WAS: variants seen among roughly 807,000 people sequenced by gnomAD.
WAS encodes WASP actin nucleation promoting factor.
Under a neutral mutation model 38.9 loss-of-function variants are expected in WAS, and 1 was observed. The ratio of observed to expected loss-of-function variants is 0.03; its 90% CI spans 0.01 to 0.12. The LOEUF (loss-of-function observed/expected upper bound fraction) is 0.12, where lower values mean the gene tolerates loss of function less well. Ranked by LOEUF, WAS falls within the 10% of genes least tolerant of loss-of-function variation. The pLI is 1.00. For synonymous variants in WAS, 182 were observed against 173.6 expected, an observed-to-expected ratio of 1.05 and a Z score of -0.38; for missense variants, 311 against 431.2, an observed-to-expected ratio of 0.72 and a Z score of 2.47.
chrX:48,683,884 G>T lies in WAS; in HGVS notation c.31G>T (p.Gly11Trp). Residue 11 changes from glycine to tryptophan, a missense_variant, in exon 1 of 12, where the codon GGG becomes TGG. Coordinates refer to ENST00000376701, the MANE Select transcript of WAS (RefSeq NM_000377.3). MSGGPMGGRP[G>W]GRGAPAVQQN... Reference sequence around the variant, plus strand: ...TGGGGGCCCAATGGGAGGAAGGCCCGGGGGCCGAGGAGCACCAGCGGTTCA... The same window carrying T: ...TGGGGGCCCAATGGGAGGAAGGCCCTGGGGCCGAGGAGCACCAGCGGTTCA... The T allele has an allele frequency of 8.3e-7, 1 of 1,211,366 alleles. No individual in the cohort carries two copies.
rs1557007444 is a variant in WAS at position 48,689,403 on chromosome X, G to T, written c.1422G>T (p.Met474Ile). The change falls in exon 11 of 12, where the codon ATG becomes ATT. Residue 474 changes from methionine to isoleucine, a missense_variant. Met to Ile is a conservative substitution (Grantham distance 10). Coordinates refer to ENST00000376701, the MANE Select transcript of WAS (RefSeq NM_000377.3). ...EGLVGALMHV[M>I]QKRSRAIHSS... ...TGGTGGGGGCCCTGATGCACGTGAT[G>T]CAGAAGAGAAGCAGAGCCATCCACT... 3 of 1,209,883 alleles carry T rather than the reference G, an allele frequency of 2.5e-6. No individual in the cohort carries two copies. In the Admixed American group the frequency reaches 6.5e-5, roughly 26 times the overall value.
At position 48,688,911 on chromosome X, in the gene WAS, C is replaced by G. The variant is rs2062430008; in HGVS notation, c.1183C>G (p.Pro395Ala). The G allele has an allele frequency of 8.7e-7, 1 of 1,149,078 alleles. No individual in the cohort carries two copies. Among genetic ancestry groups the G allele is most frequent in the Non-Finnish European group, 1.2e-6 (1 of 864,211 alleles). 94.7% of individuals were successfully genotyped at this position (1,149,078 alleles called of 1,213,427 possible). ...TGGAGCTGGTGGGCCACCCATGCCA[C>G]CACCACCGCCACCACCGCCACCGCC... ...PPGAGGPPMP[P>A]PPPPPPPPPS... is the part of the protein sequence containing the mutation. The change falls in exon 10 of 12, where the codon CCA (proline) becomes GCA (alanine). Residue 395 changes from proline (P) to alanine (A), a missense_variant. Pro to Ala is a conservative substitution (Grantham distance 27). Transcript: ENST00000376701.
In WAS at chrX:48,686,071, A is replaced by G. The variant is rs1557006652; in HGVS notation, c.506-10A>G. 5.8e-6 allele frequency: 7 copies of G among 1,210,096 alleles called. No homozygotes were observed. The highest frequency in any genetic ancestry group is 6.7e-6 in the Non-Finnish European group (6 of 894,998). ...GCTGTGATAACTCTCTACACATTCC[A>G]TCTTCCCAGAGAGAAGAGGAGGGCT... is the stretch of plus-strand genomic sequence containing the variant. On this transcript the variant is annotated splice_polypyrimidine_tract_variant and intron_variant, in intron 5 of 11. Transcript: ENST00000376701.
intron 6 of WAS, 120 bp from the exon 7 acceptor site, chrX:48,686,661 A>G (rs1557006769): frequency 5.8e-6 from 5 of 866,953 alleles, no homozygotes; most frequent in Non-Finnish European, 8.3e-6. Flanking sequence ...CCCTTCACCC[A>G]CTACCTCCAT....
At chrX:48,677,837 C>T (rs1557005399) in intron 1 of WAS, among the ~76,000 whole-genome samples, 1 of 111,933 alleles carries the variant, frequency 8.9e-6, no homozygotes, top group African/African-American at 3.2e-5. Flanking sequence ...GGGCAGTGAA[C>T]AGAGGAGAGG....
Position 48,685,960 on chromosome X carries a change from C to T in WAS, c.478C>T (p.Pro160Ser). The T allele has an allele frequency of 8.3e-7, 1 of 1,211,792 alleles. No individual in the cohort carries two copies. The highest frequency in any genetic ancestry group is 1.1e-6 in the Non-Finnish European group (1 of 895,486). ...QRQSGDRRQL[P>S]PPPTPANEER... is the part of the protein sequence containing the mutation. ...TCTATCCACAGACAGACGCCAGCTA[C>T]CCCCACCACCAACACCAGCCAATGA... Residue 160 changes from proline to serine, a missense_variant, in exon 5 of 12, where the codon CCC becomes TCC. Physicochemically the swap from Pro to Ser is moderately conservative, Grantham distance 74. Around this residue, in one of 4 missense-constraint regions of WAS, gnomAD observed 31 missense variants for 20.1 expected, o/e 1.55. Transcript: ENST00000376701.
Position 48,689,069 on chromosome X carries a change from G to T in WAS, c.1338+3G>T. On this transcript the variant is annotated splice_donor_region_variant and intron_variant, in intron 10 of 11. Transcript: ENST00000376701. ...GGCAGGGAATTCAGCTGAACAAGGT[G>T]AGGACAGGCAGGATGGAGGATTGGG... 8.3e-7 allele frequency: 1 copy of T among 1,199,922 alleles called. No individual in the cohort carries two copies. The highest frequency in any genetic ancestry group is 3.0e-5 in the East Asian group (1 of 33,804).
At chrX:48,688,275 C>T (rs1557006995) in intron 8 of WAS, 25 bp from the exon 9 acceptor site, 1 of 1,190,426 alleles carries the variant, frequency 8.4e-7, no homozygotes, top group South Asian at 1.8e-5. Context: ...CTACTCCTGC[C>T]CCTGGCCTTT....
intron 2 of WAS, among the ~76,000 whole-genome samples, chrX:48,685,082 T>G (rs2147263419): frequency 9.0e-6 from 1 of 110,926 alleles, no homozygotes; most frequent in Admixed American, 9.7e-5. Context: ...TCCTAAACCA[T>G]AACTCTCTCC....
chrX:48,689,203 G>C (rs1234070156), intron 10 of WAS, 117 bp from the exon 11 acceptor site: 104 of 953,283 alleles, frequency 1.1e-4, no homozygotes, highest in Non-Finnish European at 1.5e-4. Flanking sequence ...TGAAAGGTTG[G>C]TGGGAAGCCT....
Position 48,688,746 on chromosome X carries a change from G to T in WAS, c.1018G>T (p.Gly340Cys). 8.5e-7 allele frequency: 1 copy of T among 1,170,733 alleles called. No individual in the cohort carries two copies. Among genetic ancestry groups the T allele is most frequent in the Non-Finnish European group, 1.1e-6 (1 of 874,348 alleles). ...PIVGGNKGRS[G>C]PLPPVPLGIA... ...TGTGGGGGGTAACAAGGGTCGTTCT[G>T]GTCCACTGCCCCCTGTACCTTTGGG... Residue 340 changes from glycine (G) to cysteine (C), a missense_variant, in exon 10 of 12, where the codon GGT becomes TGT. Coordinates refer to ENST00000376701, the MANE Select transcript of WAS (RefSeq NM_000377.3).
chrX:48,684,427 A>ACC lies in WAS; in HGVS notation c.273+10_273+11dup, dbSNP rs58371799. 2.1e-3 allele frequency: 2,520 copies of ACC among 1,193,108 alleles called. 65 individuals carry two copies. The East Asian group carries it at 0.068, about 32-fold the overall frequency. On this transcript the variant is annotated splice_donor_region_variant and intron_variant, in intron 2 of 11. Transcript: ENST00000376701. ...CATCCGCCTTTACGGCCTTCAGGTG[A>ACC]CCCCCCCACCCCCGACTGGACTTGC...
intron 11 of WAS, 100 bp downstream of exon 11, chrX:48,689,534 C>T (rs1557007465): frequency 1.4e-6 from 1 of 697,084 alleles, no homozygotes; most frequent in African/African-American, 2.1e-5. Context: ...TCAGCCCCAT[C>T]TGTTTGACAG....
In WAS at chrX:48,687,052, C is replaced by A. The variant is rs2062422608; in HGVS notation, c.734+97C>A. On this transcript the variant is annotated intron_variant, in intron 7 of 11. Coordinates refer to ENST00000376701, the MANE Select transcript of WAS (RefSeq NM_000377.3). ...GTGAATGGAAGGATGGGCAGATGGG[C>A]AGATGGCTGGGTGGCTGAGTGGGTA... The A allele has an allele frequency of 1.9e-5, 20 of 1,059,656 alleles. No individual in the cohort carries two copies. In the South Asian group the frequency reaches 3.8e-4, roughly 20 times the overall value. The allele number at this position is 1,059,656 out of a possible 1,213,427, so 87.3% of individuals were successfully genotyped here. A position where few individuals can be genotyped will look rare whatever the true frequency, so the allele number is the denominator to read the frequency against.
At chrX:48,689,654 C>T (rs992323841) in intron 11 of WAS, 87 of 431,151 alleles carry the variant, frequency 2.0e-4, no homozygotes, top group African/African-American at 2.5e-5. Context: ...AACATTAATG[C>T]CAGGGTGTGT....
At position 48,685,626 on chromosome X, in the gene WAS, C is replaced by G. The variant is rs782006738; in HGVS notation, c.353C>G (p.Ala118Gly). The G allele has an allele frequency of 8.3e-7, 1 of 1,197,888 alleles. No homozygotes were observed. Among genetic ancestry groups the G allele is most frequent in the South Asian group, 1.8e-5 (1 of 54,698 alleles). The change falls in exon 3 of 12, where the codon GCT becomes GGT. Residue 118 changes from alanine (A) to glycine (G), a missense_variant. By Grantham distance (60) the Ala-to-Gly change is moderately conservative. This residue lies in a region of WAS where 64 missense variants were observed against 122.5 expected (regional missense o/e 0.52). Transcript: ENST00000376701. ...CCCACCCCCTTCTTCCACACCTTCG[C>G]TGGAGATGTAAGTGATCAACCAGCC... ...STPTPFFHTFAGDDCQAGLNF... is the reference protein window; with the variant it reads ...STPTPFFHTFGGDDCQAGLNF...
intron 2 of WAS, 122 bp downstream of exon 2, chrX:48,684,545 G>A: frequency 2.1e-6 from 2 of 957,289 alleles, no homozygotes; most frequent in Non-Finnish European, 2.9e-6. Flanking sequence ...CTGAGCCCCA[G>A]AACCAAAGAC....
intron 1 of WAS, among the ~76,000 whole-genome samples, chrX:48,677,278 T>C (rs72619027): frequency 0.014 from 1,524 of 110,465 alleles, 15 homozygotes; most frequent in East Asian, 0.077. Flanking sequence ...GCATACTGGC[T>C]TCCTGACCAT....
upstream of WAS, among the ~76,000 whole-genome samples, chrX:48,682,404 C>T (rs1339658496): frequency 5.3e-5 from 6 of 112,157 alleles, no homozygotes; most frequent in Admixed American, 2.8e-4. Context: ...CTGCCTGGCT[C>T]GCACTCCGGG....
Sources: gnomAD v4.1 joint callset for allele counts (sites outside exome capture counted in the v4.1 genomes callset) on GRCh38, gnomAD v4.1.1 for gene constraint, gnomAD v4.1.1 regional missense constraint, MANE v1.5 for transcripts, NCBI Gene and HGNC (gene_info 2026-07-23, HGNC 2026-07-21) for gene names.